The following TEX29 variants were observed in gnomAD, a reference collection of about 807,000 sequenced individuals.
The protein encoded by TEX29 is testis-expressed protein 29.
Under a neutral mutation model 18.2 loss-of-function variants are expected in TEX29, and 26 were observed. That is an observed-to-expected ratio of 1.43 (90% CI 1.04 to 1.98). TEX29 has a LOEUF of 1.98. Among genes scored for constraint, TEX29 ranks in the 30% most tolerant of loss-of-function variants. TEX29 has a pLI of 0.00. For synonymous variants in TEX29, 83 were observed against 78.5 expected (o/e 1.06, Z -0.31); for missense variants, 177 against 194.2 (o/e 0.91, Z 0.53).
At chr13:111,330,188 C>G (rs1392636013) in intron 3 of TEX29, among the ~76,000 whole-genome samples, 4 of 152,134 alleles carry the variant, frequency 2.6e-5, no homozygotes, top group African/African-American at 9.7e-5. Flanking sequence ...TGGGGACTGC[C>G]CAGTCCTACA....
In TEX29 at chr13:111,320,905, G is replaced by A. The variant is rs891815392; in HGVS notation, c.15G>A (p.Leu5=). 1.9e-6 allele frequency: 3 copies of A among 1,585,668 alleles called. No individual in the cohort carries two copies. In the African/African-American group the frequency reaches 4.1e-5, roughly 22 times the overall value. Residue 5 remains leucine, a synonymous_variant, in exon 2 of 6, where the codon CTG becomes CTA. Transcript: ENST00000283547. The part of the protein sequence containing the change: MEYV[L]EVKNSPRHLL... ...CAGCTGCAGCAATGGAATACGTGCT[G>A]GAAGTGAAGAACTCTCCGCGGCACC...
chr13:111,321,106 T>A (rs943565145), intron 2 of TEX29, among the ~76,000 whole-genome samples, 158 bp downstream of exon 2: 2 of 152,170 alleles, frequency 1.3e-5, no homozygotes, highest in Non-Finnish European at 1.5e-5. Context: ...GGAAATAACC[T>A]GGGAAAACGC....
chr13:111,339,745 C>G, intron 3 of TEX29, 118 bp from the exon 4 acceptor site: 1 of 933,260 alleles, frequency 1.1e-6, no homozygotes, highest in Non-Finnish European at 1.7e-6. Flanking sequence ...GGAGTGCTGA[C>G]CATGGGCAGC....
At chr13:111,326,480 T>G (rs1351022484) in intron 2 of TEX29, among the ~76,000 whole-genome samples, 1 of 117,014 alleles carries the variant, frequency 8.5e-6, no homozygotes, top group Admixed American at 9.5e-5. Context: ...CTGCGGGCAG[T>G]GCGAGCCTGT....
intron 2 of TEX29, among the ~76,000 whole-genome samples, chr13:111,325,420 G>A (rs1451917454): frequency 6.6e-6 from 1 of 152,114 alleles, no homozygotes; most frequent in East Asian, 1.9e-4. Context: ...TGTGCAGTGG[G>A]CGAGCTGCCA....
chr13:111,329,495 A>G (rs1319463655), intron 3 of TEX29, among the ~76,000 whole-genome samples: 1 of 150,926 alleles, frequency 6.6e-6, no homozygotes, highest in East Asian at 1.9e-4. Flanking sequence ...CGTTCCCTGT[A>G]TCTAGTAGGG....
chr13:111,318,882 A>G (rs1473187123), upstream of TEX29, among the ~76,000 whole-genome samples: 1 of 152,236 alleles, frequency 6.6e-6, no homozygotes, highest in African/African-American at 2.4e-5. Flanking sequence ...TGGGTGGCTT[A>G]TAAACAGCGG....
intron 2 of TEX29, among the ~76,000 whole-genome samples, chr13:111,324,730 G>A (rs934422790): frequency 6.6e-6 from 1 of 152,180 alleles, no homozygotes; most frequent in Non-Finnish European, 1.5e-5. Flanking sequence ...CGTTTAAAAC[G>A]ATGATGCCTC....
At chr13:111,322,813 G>A (rs2093666912) in intron 2 of TEX29, among the ~76,000 whole-genome samples, 1 of 152,218 alleles carries the variant, frequency 6.6e-6, no homozygotes, top group Non-Finnish European at 1.5e-5. Context: ...CTTTAGGGGT[G>A]TAGGGAGGCT....
chr13:111,321,365 C>T lies in TEX29; in HGVS notation c.58+417C>T, dbSNP rs138433702. On this transcript the variant is annotated intron_variant, in intron 2 of 5. Transcript: ENST00000283547. Reference sequence around the variant, plus strand: ...CCTTTCCCCACCCGGGCAACTGACCCGGAGGCAGACACTCACCACTGGGAC... The same window carrying T: ...CCTTTCCCCACCCGGGCAACTGACCTGGAGGCAGACACTCACCACTGGGAC... 3.2e-4 allele frequency among the ~76,000 whole-genome samples: 49 copies of T among 152,250 alleles called. No individual in the cohort carries two copies. The East Asian group carries it at 7.9e-3, about 25-fold the overall frequency.
At chr13:111,342,197 CT>C (rs1463659989) in intron 4 of TEX29, among the ~76,000 whole-genome samples, 3 of 152,224 alleles carry the variant, frequency 2.0e-5, no homozygotes, top group Non-Finnish European at 4.4e-5. Flanking sequence ...ATACAAGCCC[CT>C]GAGATTATTT....
At chr13:111,318,438 C>T (rs917715065), upstream of TEX29, among the ~76,000 whole-genome samples, 5 of 152,210 alleles carry the variant, frequency 3.3e-5, no homozygotes, top group African/African-American at 9.6e-5. Flanking sequence ...TCCATGCTGG[C>T]TGCTCCGTCC....
intron 2 of TEX29, among the ~76,000 whole-genome samples, chr13:111,326,879 C>T (rs1194388581): frequency 6.6e-6 from 1 of 152,152 alleles, no homozygotes; most frequent in Non-Finnish European, 1.5e-5. Flanking sequence ...GGAAAAAGGC[C>T]GTGGTGCCTG....
chr13:111,320,974 C>A (rs200057252), intron 2 of TEX29, 26 bp downstream of exon 2: 5 of 165,486 alleles, frequency 3.0e-5, no homozygotes, highest in East Asian at 1.8e-4. Context: ...GCCAGGGGGG[C>A]GGGTGGGGTG....
chr13:111,337,403 C>T (rs1326981008), intron 3 of TEX29, among the ~76,000 whole-genome samples: 1 of 152,104 alleles, frequency 6.6e-6, no homozygotes, highest in African/African-American at 2.4e-5. Flanking sequence ...ACTCACTTTG[C>T]TGGGAAGTTG....
intron 2 of TEX29, among the ~76,000 whole-genome samples, chr13:111,324,721 G>A (rs776728968): frequency 3.1e-4 from 47 of 152,180 alleles, no homozygotes; most frequent in Non-Finnish European, 5.0e-4. Flanking sequence ...CATCAGCCAC[G>A]TTTAAAACGA....
chr13:111,318,906 A>G (rs1294487490), upstream of TEX29, among the ~76,000 whole-genome samples: 3 of 152,170 alleles, frequency 2.0e-5, no homozygotes, highest in African/African-American at 7.2e-5. Flanking sequence ...CTTTTTGCTC[A>G]CACTTCTGGG....
intron 3 of TEX29, among the ~76,000 whole-genome samples, chr13:111,338,559 A>G (rs1224695578): frequency 6.6e-6 from 1 of 152,186 alleles, no homozygotes; most frequent in Non-Finnish European, 1.5e-5. Context: ...GGGAAATTAC[A>G]TCTGATGGTG....
At chr13:111,328,700 G>A (rs2093678119) in intron 3 of TEX29, among the ~76,000 whole-genome samples, 1 of 152,202 alleles carries the variant, frequency 6.6e-6, no homozygotes, top group Non-Finnish European at 1.5e-5. Flanking sequence ...AGGGTGGAGC[G>A]GACCTTGTCC....
Sources: gnomAD v4.1 joint callset for allele counts (sites outside exome capture counted in the v4.1 genomes callset) on GRCh38, gnomAD v4.1.1 for gene constraint, MANE v1.5 for transcripts, NCBI Gene and HGNC (gene_info 2026-07-23, HGNC 2026-07-21) for gene names.